Variants in TPD52 observed in about 807,000 individuals in gnomAD.
The protein encoded by TPD52 is tumor protein D52.
Under a neutral mutation model 31.3 loss-of-function variants are expected in TPD52, and 17 were observed. The observed-to-expected ratio is 0.54, with a 90% CI of 0.37 to 0.82. The LOEUF is 0.82. TPD52 is among the 40% of genes least tolerant of loss of function. The pLI, the probability that TPD52 is intolerant of heterozygous loss-of-function variation, is 0.00. For missense variants in TPD52, 212 were observed against 240.1 expected (o/e 0.88, Z 0.77); for synonymous variants, 83 against 89.6 (o/e 0.93, Z 0.42).
chr8:80,120,853 G>A (rs1237565123), intron 1 of TPD52, among the ~76,000 whole-genome samples: 1 of 152,116 alleles, frequency 6.6e-6, no homozygotes. Context: ...GCTGAAGTGA[G>A]CAGATCACCT....
At chr8:80,032,893 C>A (rs1809726958), downstream of TPD52, 1 of 152,314 alleles carries the variant, frequency 6.6e-6, no homozygotes, top group Non-Finnish European at 1.5e-5. Context: ...TGGGCTCATT[C>A]TGCCCACTCT....
chr8:80,156,830 G>GA (rs1675409915), intron 1 of TPD52, among the ~76,000 whole-genome samples: 1 of 152,076 alleles, frequency 6.6e-6, no homozygotes, highest in Non-Finnish European at 1.5e-5. Flanking sequence ...GGATAATGCT[G>GA]AGAGATTTGG....
intron 1 of TPD52, among the ~76,000 whole-genome samples, chr8:80,071,221 C>T (rs747170912): frequency 6.6e-6 from 1 of 152,136 alleles, no homozygotes; most frequent in Non-Finnish European, 1.5e-5. Flanking sequence ...CTACCGCAGC[C>T]CCAGGAGAAT....
intron 1 of TPD52, among the ~76,000 whole-genome samples, chr8:80,136,150 ATT>A (rs1343243518): frequency 1.4e-5 from 2 of 143,918 alleles, no homozygotes; most frequent in South Asian, 2.1e-4. Flanking sequence ...AAATTAATTA[ATT>A]AAAAAAAAAA....
chr8:80,040,889 A>C (rs1424681846), intron 7 of TPD52, among the ~76,000 whole-genome samples: 1 of 152,244 alleles, frequency 6.6e-6, no homozygotes, highest in Non-Finnish European at 1.5e-5. Context: ...CATATTGAGC[A>C]ATGTGCCAAG....
intron 1 of TPD52, among the ~76,000 whole-genome samples, chr8:80,075,929 G>A (rs1057173652): frequency 6.6e-6 from 1 of 152,040 alleles, no homozygotes; most frequent in African/African-American, 2.4e-5. Flanking sequence ...GACACAGAGT[G>A]AAAATCAAAA....
intron 1 of TPD52, among the ~76,000 whole-genome samples, chr8:80,102,505 T>C (rs758676433): frequency 2.0e-5 from 3 of 152,168 alleles, no homozygotes; most frequent in Non-Finnish European, 4.4e-5. Context: ...ACTACACGAG[T>C]GTGAAGACCA....
chr8:80,063,632 AC>A (rs1365421219), intron 2 of TPD52, among the ~76,000 whole-genome samples: 2 of 151,900 alleles, frequency 1.3e-5, no homozygotes, highest in Non-Finnish European at 2.9e-5. Flanking sequence ...ATCCATCTCT[AC>A]TAAAAATACA....
chr8:80,063,995 A>C (rs1431178003), intron 2 of TPD52, among the ~76,000 whole-genome samples: 1 of 123,790 alleles, frequency 8.1e-6, no homozygotes, highest in African/African-American at 3.1e-5. Context: ...AGGGAGGGGA[A>C]GGAAGAAAGA....
chr8:80,123,509 T>C (rs986839074), intron 1 of TPD52, among the ~76,000 whole-genome samples: 1 of 152,184 alleles, frequency 6.6e-6, no homozygotes, highest in African/African-American at 2.4e-5. Flanking sequence ...AAGGATTGCT[T>C]GAGCCCAGGA....
chr8:80,147,473 GACAA>G (rs1179738758), intron 1 of TPD52, among the ~76,000 whole-genome samples: 5 of 152,304 alleles, frequency 3.3e-5, no homozygotes, highest in East Asian at 1.9e-4. Flanking sequence ...GAGAGTACAT[GACAA>G]ACAGTCAACA....
intron 1 of TPD52, among the ~76,000 whole-genome samples, chr8:80,085,018 T>C (rs890775426): frequency 6.6e-6 from 1 of 152,236 alleles, no homozygotes; most frequent in Admixed American, 6.5e-5. Flanking sequence ...AAAATATTTA[T>C]GAATTTTATA....
intron 6 of TPD52, chr8:80,043,050 G>A (rs930849712): frequency 1.8e-4 from 29 of 161,960 alleles, no homozygotes; most frequent in African/African-American, 4.3e-4. Context: ...AAGGTACTAC[G>A]CTCTAAAATC....
chr8:80,088,506 G>A (rs1278840791), intron 1 of TPD52, among the ~76,000 whole-genome samples: 1 of 152,068 alleles, frequency 6.6e-6, no homozygotes, highest in Non-Finnish European at 1.5e-5. Context: ...TCTAGGCCGT[G>A]GGGAGCCAAG....
intron 1 of TPD52, among the ~76,000 whole-genome samples, chr8:80,161,959 C>T (rs938111561): frequency 2.0e-5 from 3 of 152,018 alleles, no homozygotes; most frequent in African/African-American, 4.8e-5. Flanking sequence ...GAACTCCTGA[C>T]CCCAAGTGAT....
At chr8:80,094,859 C>A (rs780410138) in intron 1 of TPD52, among the ~76,000 whole-genome samples, 3 of 151,884 alleles carry the variant, frequency 2.0e-5, no homozygotes, top group Non-Finnish European at 4.4e-5. Flanking sequence ...ATAAGCAAGA[C>A]CTTTGTGTCC....
chr8:80,126,607 A>T (rs1188186264), intron 1 of TPD52, among the ~76,000 whole-genome samples: 2 of 150,470 alleles, frequency 1.3e-5, no homozygotes, highest in Admixed American at 6.7e-5. Flanking sequence ...TCAGGCTCCC[A>T]AGTAGCTGAG....
chr8:80,096,924 A>G (rs1816784880), intron 1 of TPD52, among the ~76,000 whole-genome samples: 1 of 152,220 alleles, frequency 6.6e-6, no homozygotes, highest in Non-Finnish European at 1.5e-5. Flanking sequence ...AAAGCTAGAA[A>G]TGATTAAGCT....
At chr8:80,145,019 A>G (rs976878676) in intron 1 of TPD52, among the ~76,000 whole-genome samples, 11 of 152,222 alleles carry the variant, frequency 7.2e-5, no homozygotes, top group African/African-American at 2.4e-4. Flanking sequence ...TACACACCAC[A>G]TGAGGTTCAA....
Sources: allele counts gnomAD v4.1 joint callset (sites outside exome capture counted in the v4.1 genomes callset), GRCh38; gene constraint gnomAD v4.1.1; transcripts MANE v1.5; gene names NCBI Gene and HGNC (gene_info 2026-07-23, HGNC 2026-07-21).